The following CCDC73 variants were observed in gnomAD, a reference collection of about 807,000 sequenced individuals.
CCDC73 encodes the protein coiled-coil domain-containing protein 73.
A neutral mutation model predicts 116.5 loss-of-function variants in CCDC73; 95 were observed. The observed-to-expected ratio is 0.82, with a 90% CI of 0.69 to 0.97. The LOEUF (loss-of-function observed/expected upper bound fraction) is 0.97. Ranked by LOEUF, CCDC73 falls within the 50% of genes least tolerant of loss-of-function variation. The pLI is 0.00. For missense variants in CCDC73, 1,066 were observed against 1,206.8 expected (o/e 0.88, Z 1.73); for synonymous variants, 398 against 401.3 (o/e 0.99, Z 0.10).
intron 3 of CCDC73, among the ~76,000 whole-genome samples, chr11:32,706,772 A>C (rs1016618326): frequency 4.6e-5 from 7 of 152,192 alleles, no homozygotes; most frequent in Non-Finnish European, 1.0e-4. Flanking sequence ...GTTAACTGCC[A>C]ACCTCGGTTC....
intron 6 of CCDC73, among the ~76,000 whole-genome samples, chr11:32,693,532 C>T (rs1418218442): frequency 6.6e-6 from 1 of 152,092 alleles, no homozygotes; most frequent in Admixed American, 6.6e-5. Flanking sequence ...TTTGAAAATA[C>T]TCTCTATAGG....
At chr11:32,763,220 G>A (rs1850408056) in intron 1 of CCDC73, among the ~76,000 whole-genome samples, 2 of 152,224 alleles carry the variant, frequency 1.3e-5, no homozygotes, top group African/African-American at 4.8e-5. Context: ...AGATTTCACT[G>A]TTCCTGTCTG....
intron 2 of CCDC73, among the ~76,000 whole-genome samples, chr11:32,755,548 T>TAC (rs1850326752): frequency 1.1e-5 from 1 of 92,140 alleles, no homozygotes; most frequent in Non-Finnish European, 2.4e-5. Flanking sequence ...TATATATATA[T>TAC]ATATATATAT....
chr11:32,731,107 C>A (rs760392287), intron 2 of CCDC73, among the ~76,000 whole-genome samples: 1 of 152,198 alleles, frequency 6.6e-6, no homozygotes, highest in African/African-American at 2.4e-5. Flanking sequence ...TCATAGCAAA[C>A]GACACACCAG....
the CCDC73 span, among the ~76,000 whole-genome samples, chr11:32,799,676 GTAA>G: frequency 6.6e-6 from 1 of 152,138 alleles, no homozygotes; most frequent in Admixed American, 6.6e-5. Flanking sequence ...TAGGTTCTCT[GTAA>G]TCAGTTTTCA....
At chr11:32,755,717 A>ATATATATATCTCCATATATG (rs1554968869) in intron 2 of CCDC73, among the ~76,000 whole-genome samples, 1 of 47,104 alleles carries the variant, frequency 2.1e-5, no homozygotes, top group Admixed American at 3.1e-4. Context: ...CTCCATATAT[A>ATATATATATCTCCATATATG]TGTGTATATA....
chr11:32,714,947 G>C (rs1345695198), intron 3 of CCDC73, among the ~76,000 whole-genome samples: 2 of 152,160 alleles, frequency 1.3e-5, no homozygotes, highest in African/African-American at 4.8e-5. Context: ...GTCCATGGCT[G>C]CTTTTACACT....
chr11:32,826,205 TG>T, the CCDC73 span, among the ~76,000 whole-genome samples: 10 of 152,340 alleles, frequency 6.6e-5, no homozygotes, highest in Admixed American at 6.5e-4. Context: ...ATAATCAACC[TG>T]GAACAGTAGG....
intron 7 of CCDC73, among the ~76,000 whole-genome samples, chr11:32,677,423 T>C (rs955587691): frequency 6.6e-6 from 1 of 152,068 alleles, no homozygotes; most frequent in Admixed American, 6.6e-5. Flanking sequence ...AGCTACTTTC[T>C]TGGAATTTGA....
chr11:32,755,186 A>G (rs1357665743), intron 2 of CCDC73, among the ~76,000 whole-genome samples: 4 of 149,064 alleles, frequency 2.7e-5, no homozygotes, highest in Admixed American at 1.3e-4. Context: ...GCACCCAGTC[A>G]GCTTCGACAT....
At chr11:32,824,253 A>G in the CCDC73 span, among the ~76,000 whole-genome samples, 1 of 152,116 alleles carries the variant, frequency 6.6e-6, no homozygotes, top group African/African-American at 2.4e-5. Flanking sequence ...TTCCCATTTT[A>G]TATAATTGTG....
intron 2 of CCDC73, among the ~76,000 whole-genome samples, chr11:32,718,861 CAGGAAT>C (rs1849967505): frequency 6.6e-6 from 1 of 152,114 alleles, no homozygotes; most frequent in South Asian, 2.1e-4. Context: ...GTGGGAGGGG[CAGGAAT>C]ACATGCTAGG....
intron 1 of CCDC73, among the ~76,000 whole-genome samples, chr11:32,783,977 C>G (rs1247218954): frequency 6.6e-6 from 1 of 152,090 alleles, no homozygotes; most frequent in African/African-American, 2.4e-5. Context: ...TTTTAAGTTA[C>G]TCATAAAAGT....
chr11:32,774,661 A>C (rs533197017), intron 1 of CCDC73, among the ~76,000 whole-genome samples: 62 of 152,330 alleles, frequency 4.1e-4, no homozygotes, highest in African/African-American at 1.4e-3. Flanking sequence ...AGAATTAAAA[A>C]AATAAAAAAA....
chr11:32,657,819 A>G (rs976770228), intron 9 of CCDC73, among the ~76,000 whole-genome samples: 3 of 152,080 alleles, frequency 2.0e-5, no homozygotes, highest in Non-Finnish European at 2.9e-5. Flanking sequence ...TGGGCAACAA[A>G]GCAAGACCCT....
intron 1 of CCDC73, among the ~76,000 whole-genome samples, chr11:32,777,056 G>GA (rs1033147342): frequency 1.5e-5 from 2 of 136,554 alleles, no homozygotes; most frequent in Non-Finnish European, 3.1e-5. Context: ...TTAGACTTGA[G>GA]AAAAAACTTG....
Position 32,654,951 on chromosome 11 carries a change from C to A in CCDC73, c.667G>T (p.Asp223Tyr). 6.3e-7 allele frequency: 1 copy of A among 1,594,772 alleles called. No homozygotes were observed. Among genetic ancestry groups the A allele is most frequent in the South Asian group, 1.2e-5 (1 of 86,036 alleles). The change falls in exon 10 of 18, where the codon GAC becomes TAC. Residue 223 changes from aspartate to tyrosine, a missense_variant. Coordinates refer to ENST00000335185, the MANE Select transcript of CCDC73 (RefSeq NM_001008391.4). The part of the protein sequence containing the change: ...LKKELKKAAS[D>Y]LIKSKVTCQY... ...CATGTGACTTTGGACTTTATCAAGT[C>A]TGAGGCTGCTTTTTTTAGTTCCTTA...
At chr11:32,676,422 T>C (rs1856089929) in intron 7 of CCDC73, among the ~76,000 whole-genome samples, 1 of 152,250 alleles carries the variant, frequency 6.6e-6, no homozygotes, top group African/African-American at 2.4e-5. Context: ...TCTAGATCAC[T>C]GTTTTGATTC....
At chr11:32,641,715 G>GTATATATATA (rs56262743) in intron 13 of CCDC73, among the ~76,000 whole-genome samples, 59 of 148,916 alleles carry the variant, frequency 4.0e-4, no homozygotes, top group Middle Eastern at 3.6e-3. Context: ...ATATGTGTGT[G>GTATATATATA]TATATATATA....
Sources: allele counts gnomAD v4.1 joint callset (sites outside exome capture counted in the v4.1 genomes callset), GRCh38; gene constraint gnomAD v4.1.1; transcripts MANE v1.5; gene names NCBI Gene and HGNC (gene_info 2026-07-23, HGNC 2026-07-21).